The following AKAP6 variants were observed in gnomAD, a reference collection of about 807,000 sequenced individuals.
The protein encoded by AKAP6 is A-kinase anchor protein 6.
A neutral mutation model predicts 188.5 loss-of-function variants in AKAP6; 58 were observed. The ratio of observed to expected loss-of-function variants is 0.31; its 90% CI spans 0.25 to 0.38. The LOEUF is 0.38. Ranked by LOEUF, AKAP6 falls within the 10% of genes least tolerant of loss-of-function variation. AKAP6 has a pLI of 1.00. For missense variants in AKAP6, 2,710 were observed against 2,740.0 expected, an observed-to-expected ratio of 0.99 and a Z score of 0.24; for synonymous variants, 989 against 998.6, an observed-to-expected ratio of 0.99 and a Z score of 0.18.
At chr14:32,354,431 A>G (rs1350739961) in intron 1 of AKAP6, among the ~76,000 whole-genome samples, 7 of 72,780 alleles carry the variant, frequency 9.6e-5, no homozygotes, top group South Asian at 3.8e-4. Context: ...TATACTACCT[A>G]AACTGGCAGT....
chr14:32,537,837 C>T (rs1309873696), intron 3 of AKAP6, among the ~76,000 whole-genome samples: 1 of 152,186 alleles, frequency 6.6e-6, no homozygotes, highest in Non-Finnish European at 1.5e-5. Flanking sequence ...AGTAGTAGCT[C>T]AATAAATGAT....
intron 4 of AKAP6, among the ~76,000 whole-genome samples, chr14:32,567,760 T>G (rs1242214394): frequency 6.6e-6 from 1 of 152,200 alleles, no homozygotes; most frequent in African/African-American, 2.4e-5. Flanking sequence ...AGAGCTAATC[T>G]AAACAAGGAA....
At chr14:32,576,264 T>G (rs965098639) in intron 4 of AKAP6, among the ~76,000 whole-genome samples, 4 of 152,130 alleles carry the variant, frequency 2.6e-5, no homozygotes, top group African/African-American at 9.7e-5. Context: ...AGCCTGCCCT[T>G]GCTCCTTATG....
chr14:32,397,002 G>C (rs1888899939), intron 1 of AKAP6, among the ~76,000 whole-genome samples: 1 of 152,170 alleles, frequency 6.6e-6, no homozygotes, highest in Non-Finnish European at 1.5e-5. Flanking sequence ...TAGGGCCAGT[G>C]AAAGACAATT....
Position 32,799,452 on chromosome 14 carries a change from T to G in AKAP6, c.3589-21950T>G, listed in dbSNP as rs369344097. Among the ~76,000 whole-genome samples the G allele has an allele frequency of 3.6e-3, 221 of 61,606 alleles. 3 individuals are homozygous for G. The East Asian group carries it at 0.093, about 26-fold the overall frequency. The allele number at this position is 61,606 out of a possible 152,430, so 40.4% of individuals were successfully genotyped here. The stretch of plus-strand genomic sequence containing the variant: ...AATATATGCACTTAATGCTGTAAGT[T>G]TCCCTCTAAGCTCTAAGCACTACTT... On this transcript the variant is annotated intron_variant, in intron 12 of 13. Coordinates refer to ENST00000280979, the MANE Select transcript of AKAP6 (RefSeq NM_004274.5).
At chr14:32,603,188 T>TGTAGGTATCCGCAGATGCAGAAGTTGAA (rs1886001184) in intron 7 of AKAP6, among the ~76,000 whole-genome samples, 1 of 151,840 alleles carries the variant, frequency 6.6e-6, no homozygotes, top group African/African-American at 2.4e-5. Flanking sequence ...GGGAGGCTTT[T>TGTAGGTATCCGCAGATGCAGAAGTTGAA]GGAGTAAGAA....
chr14:32,804,041 C>T (rs765884983), intron 12 of AKAP6, among the ~76,000 whole-genome samples: 6 of 152,206 alleles, frequency 3.9e-5, no homozygotes, highest in Non-Finnish European at 8.8e-5. Flanking sequence ...AGTATCACCA[C>T]CTTAGCCCAA....
intron 11 of AKAP6, among the ~76,000 whole-genome samples, chr14:32,736,416 C>T (rs1480279146): frequency 6.6e-6 from 1 of 152,142 alleles, no homozygotes; most frequent in Non-Finnish European, 1.5e-5. Flanking sequence ...CTGAGCAATA[C>T]AATATTCATT....
At chr14:32,772,137 C>A (rs1391811387) in intron 11 of AKAP6, among the ~76,000 whole-genome samples, 2 of 152,008 alleles carry the variant, frequency 1.3e-5, no homozygotes, top group Admixed American at 1.3e-4. Context: ...TGAGGGGAGA[C>A]ATTTGACAGG....
rs150811703 is a variant in AKAP6, at chr14:32,792,990, C to T, written c.3588+19097C>T. Reference sequence around the variant, plus strand: ...GCAAGCAAATGCTGAGGGAATTCATCGCCACCAGGCTTGCCTTACAAAAGA... The same window carrying T: ...GCAAGCAAATGCTGAGGGAATTCATTGCCACCAGGCTTGCCTTACAAAAGA... On this transcript the variant is annotated intron_variant, in intron 12 of 13. Coordinates refer to ENST00000280979, the MANE Select transcript of AKAP6 (RefSeq NM_004274.5). 7.9e-3 allele frequency among the ~76,000 whole-genome samples: 1,210 copies of T among 152,242 alleles called. 6 individuals carry two copies. The highest frequency in any genetic ancestry group is 0.013 in the Non-Finnish European group (870 of 68,008).
chr14:32,583,337 C>A (rs1283052487), intron 5 of AKAP6, among the ~76,000 whole-genome samples: 1 of 152,144 alleles, frequency 6.6e-6, no homozygotes, highest in Non-Finnish European at 1.5e-5. Flanking sequence ...GCTGTGTGAT[C>A]GTTCCTCCGG....
chr14:32,468,959 C>G (rs1366167380), intron 2 of AKAP6, among the ~76,000 whole-genome samples: 3 of 152,058 alleles, frequency 2.0e-5, no homozygotes, highest in African/African-American at 4.8e-5. Flanking sequence ...TAATCTCTGC[C>G]TAGTGGAATG....
chr14:32,330,487 G>A (rs912634044), intron 1 of AKAP6, among the ~76,000 whole-genome samples: 1 of 151,920 alleles, frequency 6.6e-6, no homozygotes, highest in African/African-American at 2.4e-5. Context: ...TGCTACTAGG[G>A]GAGAGAAAGG....
chr14:32,527,149 T>C (rs1184785431), intron 2 of AKAP6, among the ~76,000 whole-genome samples: 6 of 152,076 alleles, frequency 3.9e-5, no homozygotes, highest in African/African-American at 1.2e-4. Context: ...TGGGAGCCAC[T>C]GCTTTGCCTT....
chr14:32,513,235 A>G (rs143129100), intron 2 of AKAP6, among the ~76,000 whole-genome samples: 27 of 152,338 alleles, frequency 1.8e-4, no homozygotes, highest in Admixed American at 5.2e-4. Context: ...GGGCAAAGCA[A>G]TCAATCAAAT....
At chr14:32,550,840 C>A (rs1347131469) in intron 4 of AKAP6, among the ~76,000 whole-genome samples, 2 of 152,206 alleles carry the variant, frequency 1.3e-5, no homozygotes, top group Admixed American at 6.5e-5. Flanking sequence ...CTCTCCTGTT[C>A]CATTCTGGTT....
chr14:32,428,307 G>C (rs909222099), intron 1 of AKAP6, among the ~76,000 whole-genome samples: 1 of 151,998 alleles, frequency 6.6e-6, no homozygotes, highest in Non-Finnish European at 1.5e-5. Flanking sequence ...TTTGCAAAAG[G>C]TCTGCCTATG....
rs187040624 is a variant in AKAP6, at chr14:32,762,025, A to G, written c.3373-11653A>G. Among the ~76,000 whole-genome samples, 1,058 of 152,282 alleles carry G rather than the reference A, an allele frequency of 6.9e-3. 10 individuals carry two copies. The highest frequency in any genetic ancestry group is 0.011 in the Non-Finnish European group (767 of 67,998). On this transcript the variant is annotated intron_variant, in intron 11 of 13. Coordinates refer to ENST00000280979, the MANE Select transcript of AKAP6 (RefSeq NM_004274.5). The stretch of plus-strand genomic sequence containing the variant: ...TCAAAATATAATAATATAAAAATAA[A>G]TGGCAATTAATGCTTATCTGCTTAG...
intron 1 of AKAP6, among the ~76,000 whole-genome samples, chr14:32,424,579 G>A (rs543594899): frequency 6.6e-6 from 1 of 152,010 alleles, no homozygotes; most frequent in Non-Finnish European, 1.5e-5. Context: ...GGGGTTTGTT[G>A]TACAGATTAT....
Sources: gnomAD v4.1 joint callset for allele counts (sites outside exome capture counted in the v4.1 genomes callset) on GRCh38, gnomAD v4.1.1 for gene constraint, MANE v1.5 for transcripts, NCBI Gene and HGNC (gene_info 2026-07-23, HGNC 2026-07-21) for gene names.